The following SYT13 variants were observed in gnomAD, a reference collection of about 807,000 sequenced individuals.
SYT13 encodes the protein synaptotagmin 13.
A neutral mutation model predicts 38.6 loss-of-function variants in SYT13; 21 were observed. That is an observed-to-expected ratio of 0.54 (90% CI 0.39 to 0.78). SYT13 has a LOEUF of 0.78. Ranked by LOEUF, SYT13 falls within the 30% of genes least tolerant of loss-of-function variation. The pLI, the probability that SYT13 is intolerant of heterozygous loss-of-function variation, is 0.00. For missense variants in SYT13, 495 were observed against 548.7 expected, an observed-to-expected ratio of 0.90 and a Z score of 0.98; for synonymous variants, 241 against 237.6, an observed-to-expected ratio of 1.01 and a Z score of -0.13.
intron 1 of SYT13, among the ~76,000 whole-genome samples, chr11:45,277,706 C>T (rs192304666): frequency 2.0e-5 from 3 of 152,266 alleles, no homozygotes; most frequent in Non-Finnish European, 2.9e-5. Flanking sequence ...TCCCTTTTGC[C>T]CTGGTTAAGA....
At position 45,252,343 on chromosome 11, in the gene SYT13, T is replaced by G; in HGVS notation, c.846+78A>C. On this transcript the variant is annotated intron_variant, in intron 4 of 5. Transcript: ENST00000020926. The surrounding 1 kb of genome is among the most constrained non-coding windows in gnomAD (Gnocchi z 4.3). The stretch of plus-strand genomic sequence containing the variant: ...CTGAGGCTTGTTCCCTAAGACTGAG[T>G]TGCTGGGAGGACACCAGGTTCTGCC... The G allele has an allele frequency of 6.8e-7, 1 of 1,474,162 alleles. No homozygotes were observed. The highest frequency in any genetic ancestry group is 9.0e-7 in the Non-Finnish European group (1 of 1,108,772). The allele number at this position is 1,474,162 out of a possible 1,614,324, so 91.3% of individuals were successfully genotyped here. A position where few individuals can be genotyped will look rare whatever the true frequency, so the allele number is the denominator to read the frequency against.
rs188326086 is a variant in SYT13, at chr11:45,270,741, G to A, written c.184-14850C>T. 2.3e-4 allele frequency among the ~76,000 whole-genome samples: 35 copies of A among 152,142 alleles called. 1 individual carries two copies. In the Middle Eastern group the frequency reaches 0.014, roughly 59 times the overall value. On this transcript the variant is annotated intron_variant, in intron 1 of 5. Coordinates refer to ENST00000020926, the MANE Select transcript of SYT13 (RefSeq NM_020826.3). ...ATGCAGTGTAGAAAAAAAGTGCAGG[G>A]AACCACTAATCTAAGACATCCATCC... is the stretch of plus-strand genomic sequence containing the variant.
intron 1 of SYT13, among the ~76,000 whole-genome samples, chr11:45,263,038 T>C (rs1168318815): frequency 6.6e-6 from 1 of 152,064 alleles, no homozygotes; most frequent in Non-Finnish European, 1.5e-5. Context: ...CCTGTGCTTG[T>C]CCTCTCTCCT....
At chr11:45,278,206 C>G (rs993753136) in intron 1 of SYT13, among the ~76,000 whole-genome samples, 10 of 152,192 alleles carry the variant, frequency 6.6e-5, no homozygotes, top group African/African-American at 2.2e-4. Flanking sequence ...CTATTCTCCT[C>G]CATCCTCAGA....
chr11:45,270,775 G>A (rs1169142139), intron 1 of SYT13, among the ~76,000 whole-genome samples: 5 of 152,146 alleles, frequency 3.3e-5, no homozygotes, highest in Admixed American at 1.3e-4. Context: ...CCACTTATAT[G>A]CAGCACTTGA....
At chr11:45,258,091 G>A (rs537384426) in intron 1 of SYT13, among the ~76,000 whole-genome samples, 53 of 152,318 alleles carry the variant, frequency 3.5e-4, no homozygotes, top group African/African-American at 1.3e-3. Flanking sequence ...TCTGACTTCG[G>A]TGGAGTGAAG....
chr11:45,244,537 A>G (rs1288992229), intron 5 of SYT13, among the ~76,000 whole-genome samples, 181 bp from the exon 6 acceptor site: 1 of 152,142 alleles, frequency 6.6e-6, no homozygotes, highest in Non-Finnish European at 1.5e-5. Context: ...TGGATACCCC[A>G]GCACAGGTCC....
At chr11:45,272,130 G>T (rs913875701) in intron 1 of SYT13, among the ~76,000 whole-genome samples, 2 of 152,116 alleles carry the variant, frequency 1.3e-5, no homozygotes, top group African/African-American at 4.8e-5. Context: ...TCACCCATAA[G>T]TGGAAGTTGA....
At chr11:45,261,752 C>G (rs1854819542) in intron 1 of SYT13, among the ~76,000 whole-genome samples, 1 of 151,694 alleles carries the variant, frequency 6.6e-6, no homozygotes, top group Admixed American at 6.6e-5. Context: ...CCCATCTCTA[C>G]CAAAAATACA....
intron 2 of SYT13, among the ~76,000 whole-genome samples, chr11:45,255,075 C>T (rs569038094): frequency 6.6e-5 from 10 of 152,078 alleles, no homozygotes; most frequent in Middle Eastern, 3.4e-3. Context: ...ACGATCATGC[C>T]ACTGAACTCC....
chr11:45,262,410 C>A (rs1854827920), intron 1 of SYT13, among the ~76,000 whole-genome samples: 2 of 152,062 alleles, frequency 1.3e-5, no homozygotes, highest in African/African-American at 4.8e-5. Context: ...GATGTTTGTA[C>A]AACATCCTGA....
chr11:45,272,979 T>C (rs1854968627), intron 1 of SYT13, among the ~76,000 whole-genome samples: 1 of 152,236 alleles, frequency 6.6e-6, no homozygotes, highest in Admixed American at 6.5e-5. Context: ...TCACAGACTC[T>C]TCCTTTATTA....
chr11:45,281,462 T>C (rs930356443), intron 1 of SYT13, among the ~76,000 whole-genome samples: 10 of 152,086 alleles, frequency 6.6e-5, no homozygotes, highest in African/African-American at 1.7e-4. Context: ...GCTCAGGAAT[T>C]TGAGACCAGC....
Position 45,252,538 on chromosome 11 carries a change from C to G in SYT13, c.729G>C (p.Leu243Phe). ...ELPTATLTLT[L>F]RTCDRFSRHS... ...GACGGGAGAAGCGGTCGCAGGTCCT[C>G]AAGGTCAGCGTCAGGGTGGCTGTGG... is the stretch of plus-strand genomic sequence containing the variant. Residue 243 changes from leucine (L) to phenylalanine (F), a missense_variant, in exon 4 of 6, where the codon TTG becomes TTC. Physicochemically the swap from Leu to Phe is conservative, Grantham distance 22. Transcript: ENST00000020926. This position sits in a 1 kb window ranked among gnomAD's most constrained non-coding sequence, Gnocchi z 4.3. 6.2e-7 allele frequency: 1 copy of G among 1,614,130 alleles called. No individual in the cohort carries two copies. The highest frequency in any genetic ancestry group is 8.5e-7 in the Non-Finnish European group (1 of 1,180,052).
intron 1 of SYT13, among the ~76,000 whole-genome samples, chr11:45,272,558 G>T (rs1590527844): frequency 6.6e-6 from 1 of 152,188 alleles, no homozygotes; most frequent in Admixed American, 6.5e-5. Flanking sequence ...ATCATCCATA[G>T]ATCTAGCTGT....
At chr11:45,245,745 G>A (rs544141752) in intron 5 of SYT13, among the ~76,000 whole-genome samples, 80 of 152,358 alleles carry the variant, frequency 5.3e-4, no homozygotes, top group Non-Finnish European at 1.1e-3. Context: ...GGCTTCCAGG[G>A]TGTTGCAGAA....
intron 1 of SYT13, among the ~76,000 whole-genome samples, chr11:45,279,544 G>T (rs116052794): frequency 6.6e-6 from 1 of 152,170 alleles, no homozygotes; most frequent in African/African-American, 2.4e-5. Flanking sequence ...CCATGACCAC[G>T]CCACTGCACT....
At chr11:45,262,862 C>T (rs1470103881) in intron 1 of SYT13, among the ~76,000 whole-genome samples, 1 of 152,072 alleles carries the variant, frequency 6.6e-6, no homozygotes, top group African/African-American at 2.4e-5. Flanking sequence ...AAACCCCAAA[C>T]ATCTCCATGG....
Position 45,242,474 on chromosome 11 carries a change from G to C in SYT13, c.*1578C>G, listed in dbSNP as rs7114849. On this transcript the variant is annotated 3_prime_UTR_variant, in exon 6 of 6. Transcript: ENST00000020926. ...ATCCCAGCTACCCAGGAGGCTGAGA[G>C]AGGAGAATCGCTTGAACTTGGGAGG... is the stretch of plus-strand genomic sequence containing the variant. 117,085 of 152,094 alleles carry C rather than the reference G, an allele frequency of 0.77. 46,482 individuals carry two copies. Among genetic ancestry groups the C allele is most frequent in the Non-Finnish European group, 0.88 (59,725 of 68,072 alleles). The allele number at this position is 152,094 out of a possible 1,614,324, so 9.4% of individuals were successfully genotyped here. A position where few individuals can be genotyped will look rare whatever the true frequency, so the allele number is the denominator to read the frequency against.
Sources: allele counts gnomAD v4.1 joint callset (sites outside exome capture counted in the v4.1 genomes callset), GRCh38; gene constraint gnomAD v4.1.1; non-coding constraint Gnocchi (gnomAD v3.1); transcripts MANE v1.5; gene names NCBI Gene and HGNC (gene_info 2026-07-23, HGNC 2026-07-21).